Variants in NCAM2 observed in about 807,000 individuals in gnomAD.
The protein encoded by NCAM2 is N-CAM-2.
NCAM2 carries 30 observed loss-of-function variants against 98.1 expected under a neutral mutation model. The ratio of observed to expected loss-of-function variants is 0.31; its 90% CI spans 0.23 to 0.41. The LOEUF is 0.41. Ranked by LOEUF, NCAM2 falls within the 10% of genes least tolerant of loss-of-function variation. The probability of loss-of-function intolerance (pLI) is 1.00; values close to 1 mark genes in which losing one functional copy is unlikely to be tolerated. For synonymous variants in NCAM2, 368 were observed against 342.4 expected, an observed-to-expected ratio of 1.07 and a Z score of -0.83; for missense variants, 867 against 1,005.8, an observed-to-expected ratio of 0.86 and a Z score of 1.87.
chr21:21,305,724 T>G (rs1472713766), intron 5 of NCAM2, among the ~76,000 whole-genome samples: 1 of 152,084 alleles, frequency 6.6e-6, no homozygotes, highest in Non-Finnish European at 1.5e-5. Flanking sequence ...TTATATTTGT[T>G]TTTCCTTTTC....
intron 1 of NCAM2, among the ~76,000 whole-genome samples, chr21:21,027,183 A>AT (rs2064568307): frequency 6.6e-6 from 1 of 152,080 alleles, no homozygotes; most frequent in African/African-American, 2.4e-5. Flanking sequence ...CTGAGTTATA[A>AT]TTTTTTAATT....
chr21:21,057,273 G>T (rs1019008712), intron 1 of NCAM2, among the ~76,000 whole-genome samples: 7 of 152,034 alleles, frequency 4.6e-5, no homozygotes, highest in African/African-American at 1.7e-4. Context: ...AGAAGAAGGA[G>T]GGTGATTGCA....
At chr21:21,295,675 T>C (rs1220032246) in intron 5 of NCAM2, among the ~76,000 whole-genome samples, 2 of 151,874 alleles carry the variant, frequency 1.3e-5, no homozygotes, top group East Asian at 3.9e-4. Flanking sequence ...CCTGGGCACC[T>C]TGATGAACAC....
intron 1 of NCAM2, among the ~76,000 whole-genome samples, chr21:21,154,921 A>T (rs1020491378): frequency 6.6e-6 from 1 of 151,918 alleles, no homozygotes; most frequent in Non-Finnish European, 1.5e-5. Context: ...TAGTAGTGGC[A>T]GGGAGTGGGC....
chr21:21,167,714 A>G (rs573725310), intron 1 of NCAM2, among the ~76,000 whole-genome samples: 2 of 152,314 alleles, frequency 1.3e-5, no homozygotes, highest in South Asian at 2.1e-4. Context: ...GAATTTTATA[A>G]CCTACACAGA....
chr21:21,404,497 C>T (rs73324835), intron 9 of NCAM2, among the ~76,000 whole-genome samples: 2,752 of 152,174 alleles, frequency 0.018, 89 homozygotes, highest in African/African-American at 0.063. Context: ...CCTTCTGCCA[C>T]GACTGTGAGG....
chr21:21,185,349 AG>A (rs1191575780), intron 1 of NCAM2, among the ~76,000 whole-genome samples: 1 of 152,132 alleles, frequency 6.6e-6, no homozygotes, highest in Non-Finnish European at 1.5e-5. Context: ...TTCAAACTTA[AG>A]GCACGTGGTT....
chr21:21,095,785 A>G (rs1284010556), intron 1 of NCAM2, among the ~76,000 whole-genome samples: 2 of 151,558 alleles, frequency 1.3e-5, no homozygotes, highest in Non-Finnish European at 3.0e-5. Context: ...TTACTTTCAT[A>G]TTTCTCAGAA....
chr21:21,486,081 A>AT (rs1307649473), intron 15 of NCAM2, among the ~76,000 whole-genome samples: 4 of 152,186 alleles, frequency 2.6e-5, no homozygotes, highest in Non-Finnish European at 4.4e-5. Flanking sequence ...AGGCAGGTGG[A>AT]TCACGAGGTC....
intron 15 of NCAM2, among the ~76,000 whole-genome samples, chr21:21,492,610 ATAGG>A (rs1986928764): frequency 6.6e-6 from 1 of 151,746 alleles, no homozygotes; most frequent in East Asian, 1.9e-4. Context: ...GTTGGTAGAG[ATAGG>A]TAATTTTTAA....
At chr21:21,514,794 T>C (rs934862014) in intron 16 of NCAM2, among the ~76,000 whole-genome samples, 1 of 152,172 alleles carries the variant, frequency 6.6e-6, no homozygotes, top group African/African-American at 2.4e-5. Flanking sequence ...TTGTGACATC[T>C]CAGATGACAG....
chr21:21,120,460 T>A (rs1486287035), intron 1 of NCAM2, among the ~76,000 whole-genome samples: 1 of 152,124 alleles, frequency 6.6e-6, no homozygotes, highest in African/African-American at 2.4e-5. Context: ...TATGTGTCTA[T>A]CTTTGTGTTT....
At chr21:21,276,418 A>G (rs1028891162) in intron 1 of NCAM2, among the ~76,000 whole-genome samples, 11 of 152,198 alleles carry the variant, frequency 7.2e-5, no homozygotes, top group African/African-American at 2.6e-4. Flanking sequence ...CACAGAGAAC[A>G]TATATTCATC....
chr21:21,037,166 C>A (rs1451280223), intron 1 of NCAM2, among the ~76,000 whole-genome samples: 2 of 152,138 alleles, frequency 1.3e-5, no homozygotes, highest in Non-Finnish European at 2.9e-5. Flanking sequence ...ATAGCTGGAA[C>A]TACAGGCCTG....
intron 1 of NCAM2, among the ~76,000 whole-genome samples, chr21:21,043,618 A>G (rs1216831966): frequency 6.6e-6 from 1 of 152,008 alleles, no homozygotes; most frequent in Non-Finnish European, 1.5e-5. Context: ...AAAGGAAAGT[A>G]TAGGTGGGCG....
At chr21:21,430,403 T>TATATATATATATATATATATATATA (rs71195328) in intron 11 of NCAM2, among the ~76,000 whole-genome samples, 45 of 146,586 alleles carry the variant, frequency 3.1e-4, no homozygotes, top group East Asian at 6.7e-4. Context: ...TTTATATATA[T>TATATATATATATATATATATATATA]TAGCCCATTC....
At chr21:21,092,581 C>G (rs1473499424) in intron 1 of NCAM2, among the ~76,000 whole-genome samples, 2 of 151,976 alleles carry the variant, frequency 1.3e-5, no homozygotes, top group African/African-American at 4.8e-5. Context: ...TTACATTTTT[C>G]TGAATACTAA....
rs73334337 is a variant in NCAM2 at position 21,165,520 on chromosome 21, C to T, written c.56-115058C>T. Among the ~76,000 whole-genome samples the T allele has an allele frequency of 7.7e-3, 1,171 of 152,242 alleles. 18 individuals are homozygous for T. The highest frequency in any genetic ancestry group is 0.027 in the African/African-American group (1,109 of 41,552). ...CCAGGGCCTCAAGCATACATAACCA[C>T]GCATACTCTTACCAGGGAGAATATT... On this transcript the variant is annotated intron_variant, in intron 1 of 17. Transcript: ENST00000400546.
At chr21:21,118,032 A>G (rs1045481895) in intron 1 of NCAM2, among the ~76,000 whole-genome samples, 1 of 152,210 alleles carries the variant, frequency 6.6e-6, no homozygotes, top group African/African-American at 2.4e-5. Flanking sequence ...TTCAAATCCT[A>G]ATGGAAAATC....
Sources: gnomAD v4.1 joint callset for allele counts (sites outside exome capture counted in the v4.1 genomes callset) on GRCh38, gnomAD v4.1.1 for gene constraint, MANE v1.5 for transcripts, NCBI Gene and HGNC (gene_info 2026-07-23, HGNC 2026-07-21) for gene names.